The following YIPF1 variants were observed in gnomAD, a reference collection of about 807,000 sequenced individuals.
YIPF1 encodes protein YIPF1.
In YIPF1, 22 loss-of-function variants were observed where a neutral mutation model predicts 37.0. The observed-to-expected ratio is 0.59, with a 90% CI of 0.42 to 0.85. YIPF1 has a LOEUF of 0.85. YIPF1 is among the 40% of genes least tolerant of loss of function. YIPF1 has a pLI of 0.00. For synonymous variants in YIPF1, 128 were observed against 131.9 expected (o/e 0.97, Z 0.21); for missense variants, 355 against 373.1 (o/e 0.95, Z 0.40).
At chr1:53,882,888 A>T (rs1207339683) in intron 4 of YIPF1, 1 of 396,960 alleles carries the variant, frequency 2.5e-6, no homozygotes, top group Non-Finnish European at 4.4e-6. Context: ...CCCACATTCC[A>T]TAAGCTAGGA....
rs762611981 is a variant in YIPF1, at chr1:53,888,941, G to T, written c.-4C>A. 1 of 1,597,068 alleles carries T rather than the reference G, an allele frequency of 6.3e-7. No individual in the cohort carries two copies. Among genetic ancestry groups the T allele is most frequent in the Non-Finnish European group, 8.6e-7 (1 of 1,166,216 alleles). ...GCAAGTCATCTACTGCTGCCATTCG[G>T]CCAGTGAGTCTTCTCCCAATTATGA... On this transcript the variant is annotated 5_prime_UTR_variant, in exon 3 of 11. Coordinates refer to ENST00000072644, the MANE Select transcript of YIPF1 (RefSeq NM_018982.5).
At chr1:53,874,658 C>T (rs1454185791) in intron 6 of YIPF1, among the ~76,000 whole-genome samples, 2 of 151,972 alleles carry the variant, frequency 1.3e-5, no homozygotes, top group African/African-American at 4.8e-5. Context: ...CCCAGCTACT[C>T]GGGAAGGCTG....
In YIPF1 at chr1:53,888,924, T is replaced by A; in HGVS notation, c.14A>T (p.Asp5Val). ...TGGTATACCTTCAAATTGCAAGTCA[T>A]CTACTGCTGCCATTCGGCCAGTGAG... MAAV[D>V]DLQFEEFGNA... Residue 5 changes from aspartate to valine, a missense_variant, in exon 3 of 11, where the codon GAT (aspartate) becomes GTT (valine). Asp to Val is a radical substitution (Grantham distance 152, BLOSUM62 -3). Transcript: ENST00000072644. 6.3e-7 allele frequency: 1 copy of A among 1,595,474 alleles called. No individual in the cohort carries two copies. The highest frequency in any genetic ancestry group is 8.6e-7 in the Non-Finnish European group (1 of 1,164,742).
rs2100726867 is a variant in YIPF1, at chr1:53,866,357, G to C, written c.674C>G (p.Ala225Gly). 1 of 1,614,094 alleles carries C rather than the reference G, an allele frequency of 6.2e-7. No homozygotes were observed. The highest frequency in any genetic ancestry group is 2.2e-5 in the East Asian group (1 of 44,880). The change falls in exon 9 of 11, where the codon GCT becomes GGT. Residue 225 changes from alanine to glycine, a missense_variant. Ala to Gly is a moderately conservative substitution (Grantham distance 60). Coordinates refer to ENST00000072644, the MANE Select transcript of YIPF1 (RefSeq NM_018982.5). ...TAILWIIPQK[A>G]VRWILVMIAL... ...AATCATGACTAGAATCCAACGAACA[G>C]CTTTCTGGGGGATAATCCACAGTAT...
chr1:53,857,980 CAAAAA>C (rs34358598), intron 10 of YIPF1, among the ~76,000 whole-genome samples: 1 of 97,014 alleles, frequency 1.0e-5, no homozygotes, highest in Non-Finnish European at 2.1e-5. Flanking sequence ...GACTCCACCT[CAAAAA>C]AAAAAAAAAA....
At chr1:53,879,361 G>A (rs1476130332) in intron 4 of YIPF1, among the ~76,000 whole-genome samples, 1 of 151,988 alleles carries the variant, frequency 6.6e-6, no homozygotes, top group African/African-American at 2.4e-5. Context: ...CCCAAAGCAC[G>A]GGGATTACAA....
chr1:53,859,854 C>T lies in YIPF1; in HGVS notation c.*8+202G>A, dbSNP rs555105414. 2.0e-5 allele frequency among the ~76,000 whole-genome samples: 3 copies of T among 152,228 alleles called. No individual in the cohort carries two copies. The East Asian group carries it at 5.8e-4, about 29-fold the overall frequency. On this transcript the variant is annotated intron_variant, in intron 10 of 10. Coordinates refer to ENST00000072644, the MANE Select transcript of YIPF1 (RefSeq NM_018982.5). ...CTCATGTTATCCAACTCTATAAAGC[C>T]AGTATCATGTGGATTTCAAAACAGA...
chr1:53,869,363 G>A (rs1341084897), intron 7 of YIPF1, among the ~76,000 whole-genome samples: 1 of 151,984 alleles, frequency 6.6e-6, no homozygotes, highest in Non-Finnish European at 1.5e-5. Context: ...AATAGTTAAT[G>A]TTTATTGAAC....
At chr1:53,854,211 C>T (rs1271878504) in intron 10 of YIPF1, among the ~76,000 whole-genome samples, 2 of 152,084 alleles carry the variant, frequency 1.3e-5, no homozygotes, top group African/African-American at 4.8e-5. Flanking sequence ...GAGATTGCAC[C>T]ACTGTCCTCC....
chr1:53,871,843 G>A (rs1650199604), intron 6 of YIPF1, among the ~76,000 whole-genome samples: 2 of 152,052 alleles, frequency 1.3e-5, no homozygotes, highest in South Asian at 4.2e-4. Context: ...AATACATGAA[G>A]TAAAGATTAC....
At position 53,878,341 on chromosome 1, in the gene YIPF1, T is replaced by C; in HGVS notation, c.338A>G (p.Tyr113Cys). 1 of 1,614,076 alleles carries C rather than the reference T, an allele frequency of 6.2e-7. No homozygotes were observed. Among genetic ancestry groups the C allele is most frequent in the Non-Finnish European group, 8.5e-7 (1 of 1,179,982 alleles). Reference sequence around the variant, plus strand: ...ATAGAGATCTGGATTGCTGCGGATATATAACCTCACAAAGTTTTTCCCGGG... The same window carrying C: ...ATAGAGATCTGGATTGCTGCGGATACATAACCTCACAAAGTTTTTCCCGGG... ...PIPGKNFVRL[Y>C]IRSNPDLYGP... The change falls in exon 6 of 11, where the codon TAT (tyrosine) becomes TGT (cysteine). Residue 113 changes from tyrosine (Y) to cysteine (C), a missense_variant. Coordinates refer to ENST00000072644, the MANE Select transcript of YIPF1 (RefSeq NM_018982.5).
chr1:53,886,015 A>T (rs1214083111), intron 3 of YIPF1, among the ~76,000 whole-genome samples: 1 of 151,932 alleles, frequency 6.6e-6, no homozygotes, highest in African/African-American at 2.4e-5. Context: ...AAAAATTTTT[A>T]AAAAGCAGTA....
intron 6 of YIPF1, among the ~76,000 whole-genome samples, chr1:53,873,710 G>A (rs373593564): frequency 4.6e-5 from 7 of 151,356 alleles, no homozygotes; most frequent in Non-Finnish European, 1.0e-4. Context: ...AAGTGGGGGC[G>A]GGGGGGAATG....
At chr1:53,873,001 T>G (rs573132467) in intron 6 of YIPF1, among the ~76,000 whole-genome samples, 95 of 152,244 alleles carry the variant, frequency 6.2e-4, no homozygotes, top group Non-Finnish European at 1.0e-3. Context: ...AATCTGACCA[T>G]GTGTTATAGA....
At chr1:53,861,546 T>G (rs1649874082) in intron 9 of YIPF1, among the ~76,000 whole-genome samples, 1 of 151,006 alleles carries the variant, frequency 6.6e-6, no homozygotes, top group Admixed American at 6.6e-5. Context: ...AAGATGATCT[T>G]GGGGCTGGTG....
intron 4 of YIPF1, among the ~76,000 whole-genome samples, chr1:53,879,484 A>G (rs567816731): frequency 1.5e-4 from 22 of 149,724 alleles, no homozygotes; most frequent in African/African-American, 5.2e-4. Flanking sequence ...GACTCACTCT[A>G]AAGTACTAAA....
At chr1:53,868,048 G>T (rs913249584) in intron 7 of YIPF1, among the ~76,000 whole-genome samples, 5 of 152,142 alleles carry the variant, frequency 3.3e-5, no homozygotes, top group African/African-American at 1.2e-4. Flanking sequence ...CAAGAACAAA[G>T]ACACCCCTAA....
intron 10 of YIPF1, among the ~76,000 whole-genome samples, chr1:53,853,387 G>A (rs1017135938): frequency 6.6e-6 from 1 of 152,222 alleles, no homozygotes; most frequent in African/African-American, 2.4e-5. Context: ...TGTAGTGGGG[G>A]ATGAGTATAG....
intron 7 of YIPF1, among the ~76,000 whole-genome samples, chr1:53,868,252 C>T (rs1435658474): frequency 6.6e-6 from 1 of 152,148 alleles, no homozygotes; most frequent in African/African-American, 2.4e-5. Context: ...TGATCAACTA[C>T]TGGGCATCAG....
Sources: gnomAD v4.1 joint callset for allele counts (sites outside exome capture counted in the v4.1 genomes callset) on GRCh38, gnomAD v4.1.1 for gene constraint, MANE v1.5 for transcripts, NCBI Gene and HGNC (gene_info 2026-07-23, HGNC 2026-07-21) for gene names.